The following FREM1 variants were observed in gnomAD, a reference collection of about 807,000 sequenced individuals.
FREM1 encodes FRAS1-related extracellular matrix protein 1.
FREM1 carries 220 observed loss-of-function variants against 210.1 expected under a neutral mutation model. That is an observed-to-expected ratio of 1.05 (90% CI 0.94 to 1.17). The LOEUF (loss-of-function observed/expected upper bound fraction) is 1.17. FREM1 is among the 50% of genes most tolerant of loss of function. FREM1 has a pLI of 0.00. For synonymous variants in FREM1, 1,189 were observed against 980.2 expected, an observed-to-expected ratio of 1.21 and a Z score of -3.98; for missense variants, 3,454 against 2,675.5, an observed-to-expected ratio of 1.29 and a Z score of -6.42.
At chr9:14,903,923 C>G (rs1817187108) in intron 1 of FREM1, among the ~76,000 whole-genome samples, 1 of 151,910 alleles carries the variant, frequency 6.6e-6, no homozygotes, top group South Asian at 2.1e-4. Context: ...AGATCAAGAC[C>G]ATCCTGGCTA....
intron 16 of FREM1, among the ~76,000 whole-genome samples, chr9:14,809,633 C>T (rs1819028558): frequency 6.6e-6 from 1 of 152,188 alleles, no homozygotes; most frequent in Non-Finnish European, 1.5e-5. Flanking sequence ...CTCACCTATT[C>T]ATATATCTAA....
At chr9:14,827,947 G>A (rs1468068043) in intron 10 of FREM1, among the ~76,000 whole-genome samples, 1 of 152,228 alleles carries the variant, frequency 6.6e-6, no homozygotes, top group Non-Finnish European at 1.5e-5. Flanking sequence ...CTGCTTGTGT[G>A]CAGAGTGCAA....
At chr9:14,819,027 G>A (rs546388327) in intron 14 of FREM1, among the ~76,000 whole-genome samples, 5 of 152,170 alleles carry the variant, frequency 3.3e-5, no homozygotes, top group African/African-American at 1.2e-4. Flanking sequence ...TATTTCCACT[G>A]GTATAGCAAG....
intron 1 of FREM1, among the ~76,000 whole-genome samples, chr9:14,880,015 T>C (rs1262983520): frequency 6.6e-6 from 1 of 152,116 alleles, no homozygotes; most frequent in Non-Finnish European, 1.5e-5. Context: ...TAGGGCCTTG[T>C]GGAGGCGTTA....
chr9:14,740,288 G>T, intron 35 of FREM1, 54 bp from the exon 36 acceptor site: 1 of 1,231,226 alleles, frequency 8.1e-7, no homozygotes, highest in Non-Finnish European at 1.2e-6. Context: ...CATTTCTGCT[G>T]ATACGAAATG....
chr9:14,794,997 CAAAAAAA>C (rs36009556), intron 21 of FREM1, among the ~76,000 whole-genome samples: 1 of 120,752 alleles, frequency 8.3e-6, no homozygotes, highest in Non-Finnish European at 1.8e-5. Context: ...GACTTTCTCT[CAAAAAAA>C]AAAAAAAAAA....
intron 10 of FREM1, among the ~76,000 whole-genome samples, chr9:14,839,168 C>T (rs1825180258): frequency 6.6e-6 from 1 of 152,110 alleles, no homozygotes; most frequent in South Asian, 2.1e-4. Flanking sequence ...AAGGTTGGAG[C>T]TGAAGCAATG....
chr9:14,870,069 A>G (rs1204389241), intron 1 of FREM1, among the ~76,000 whole-genome samples: 1 of 152,218 alleles, frequency 6.6e-6, no homozygotes, highest in East Asian at 1.9e-4. Flanking sequence ...ATGCACTGAA[A>G]TATATCCCTA....
rs552034496 is a variant in FREM1, at chr9:14,760,566, C to A, written c.5205-665G>T. Among the ~76,000 whole-genome samples the A allele has an allele frequency of 5.8e-4, 88 of 152,234 alleles. 1 individual carries two copies. The highest frequency in any genetic ancestry group is 1.9e-3 in the African/African-American group (81 of 41,550). ...TCCACAATATATTTAGTGAGTCCAA[C>A]ATTTGGTGGAAACTGTCTTCTTTAA... On this transcript the variant is annotated intron_variant, in intron 27 of 36. Transcript: ENST00000380880.
chr9:14,903,268 GC>G (rs1564206601), intron 1 of FREM1, among the ~76,000 whole-genome samples: 1 of 152,224 alleles, frequency 6.6e-6, no homozygotes, highest in Non-Finnish European at 1.5e-5. Flanking sequence ...CATGTGGTCA[GC>G]AGGAACCTGA....
intron 36 of FREM1, among the ~76,000 whole-genome samples, chr9:14,738,694 C>G (rs561547938): frequency 1.3e-5 from 2 of 152,092 alleles, no homozygotes; most frequent in Non-Finnish European, 2.9e-5. Flanking sequence ...CCTGAAAATT[C>G]TGTTTTTAAA....
At chr9:14,882,385 A>G (rs1834948280) in intron 1 of FREM1, among the ~76,000 whole-genome samples, 1 of 152,058 alleles carries the variant, frequency 6.6e-6, no homozygotes, top group South Asian at 2.1e-4. Context: ...CTGCACCACA[A>G]TGCTGTTGAA....
chr9:14,877,636 G>T (rs1274216851), intron 1 of FREM1, among the ~76,000 whole-genome samples: 1 of 152,004 alleles, frequency 6.6e-6, no homozygotes, highest in Non-Finnish European at 1.5e-5. Flanking sequence ...GGAACCAGGG[G>T]CTCTCCTGCT....
At chr9:14,910,835 G>A (rs1186143223), upstream of FREM1, 1 of 152,082 alleles carries the variant, frequency 6.6e-6, no homozygotes, top group Non-Finnish European at 1.5e-5. Flanking sequence ...ATCTTCAAAG[G>A]TTTTTATTTA....
At chr9:14,803,633 T>C (rs1447144332) in intron 19 of FREM1, among the ~76,000 whole-genome samples, 1 of 152,122 alleles carries the variant, frequency 6.6e-6, no homozygotes, top group Non-Finnish European at 1.5e-5. Context: ...CCTCCCAAAG[T>C]GCTGGGATTA....
At chr9:14,756,513 C>G in intron 28 of FREM1, 67 bp from the exon 29 acceptor site, 2 of 1,083,260 alleles carry the variant, frequency 1.8e-6, no homozygotes, top group Non-Finnish European at 1.4e-6. Context: ...AACAGCTATT[C>G]TCCCTCATAC....
In FREM1 at chr9:14,860,833, A is replaced by G. The variant is rs1564102241; in HGVS notation, c.330-1349T>C. ...CATATATACACATATATACATATAT[A>G]CGTATATATACATATATACGTATAT... On this transcript the variant is annotated intron_variant, in intron 3 of 36. Transcript: ENST00000380880. 1.0e-4 allele frequency among the ~76,000 whole-genome samples: 13 copies of G among 125,144 alleles called. No homozygotes were observed. In the East Asian group the frequency reaches 3.2e-3, roughly 31 times the overall value. The allele number at this position is 125,144 out of a possible 152,430, so 82.1% of individuals were successfully genotyped here.
intron 20 of FREM1, 35 bp from the exon 21 acceptor site, chr9:14,797,677 T>G: frequency 6.4e-7 from 1 of 1,569,264 alleles, no homozygotes; most frequent in South Asian, 1.1e-5. Flanking sequence ...AAATCTTCCT[T>G]ATGATTGAAC....
chr9:14,783,597 C>T (rs1443475625), intron 24 of FREM1, among the ~76,000 whole-genome samples: 5 of 152,190 alleles, frequency 3.3e-5, no homozygotes, highest in Admixed American at 3.3e-4. Flanking sequence ...CTCTCCAGGA[C>T]CTCAGGATCA....
Sources: allele counts gnomAD v4.1 joint callset (sites outside exome capture counted in the v4.1 genomes callset), GRCh38; gene constraint gnomAD v4.1.1; transcripts MANE v1.5; gene names NCBI Gene and HGNC (gene_info 2026-07-23, HGNC 2026-07-21).